TOP1: variants seen among roughly 807,000 people sequenced by gnomAD.
TOP1 encodes DNA topoisomerase I.
TOP1 carries 10 observed loss-of-function variants against 111.1 expected under a neutral mutation model. The ratio of observed to expected loss-of-function variants is 0.09; its 90% CI spans 0.06 to 0.15. The LOEUF (loss-of-function observed/expected upper bound fraction) is 0.15. TOP1 is among the 10% of genes least tolerant of loss of function. The probability of loss-of-function intolerance (pLI) is 1.00; values close to 1 mark genes in which losing one functional copy is unlikely to be tolerated. For synonymous variants in TOP1, 271 were observed against 302.9 expected (o/e 0.89, Z 1.10); for missense variants, 474 against 926.7 (o/e 0.51, Z 6.34).
chr20:41,090,739 C>G (rs2033910474), intron 8 of TOP1, among the ~76,000 whole-genome samples: 2 of 152,162 alleles, frequency 1.3e-5, no homozygotes, highest in Admixed American at 1.3e-4. Context: ...CTCTTGTCCT[C>G]AAGTGATCCG....
At chr20:41,113,350 G>A (rs936860190) in intron 14 of TOP1, among the ~76,000 whole-genome samples, 1 of 152,122 alleles carries the variant, frequency 6.6e-6, no homozygotes, top group Non-Finnish European at 1.5e-5. Flanking sequence ...GCCCAGAGTA[G>A]CAGCACTCCC....
chr20:41,091,106 A>G (rs1455997989), intron 8 of TOP1, among the ~76,000 whole-genome samples: 1 of 152,232 alleles, frequency 6.6e-6, no homozygotes, highest in Non-Finnish European at 1.5e-5. Context: ...TAGTAATACC[A>G]TTGTTACAAT....
chr20:41,086,161 G>A (rs572969403), intron 8 of TOP1, among the ~76,000 whole-genome samples: 7 of 152,104 alleles, frequency 4.6e-5, no homozygotes, highest in African/African-American at 1.7e-4. Flanking sequence ...TACTTGGGAA[G>A]TTGAGGCAGG....
In TOP1 at chr20:41,115,254, C is replaced by T. The variant is rs752819978; in HGVS notation, c.1639-117C>T. The T allele has an allele frequency of 5.1e-5, 33 of 645,194 alleles. No homozygotes were observed. The highest frequency in any genetic ancestry group is 7.4e-5 in the Non-Finnish European group (27 of 365,814). The allele number at this position is 645,194 out of a possible 1,614,324, so 40.0% of individuals were successfully genotyped here. ...AAATGTTAACAGTGAATCTCGGTGA[C>T]GGATGTATGCGTGTTCCTTGTGCCT... On this transcript the variant is annotated intron_variant, in intron 15 of 20. Transcript: ENST00000361337. This position sits in a 1 kb window ranked among gnomAD's most constrained non-coding sequence, Gnocchi z 6.3.
In TOP1 at chr20:41,092,485, C is replaced by T. The variant is rs1270296041; in HGVS notation, c.628C>T (p.Arg210Cys). Residue 210 changes from arginine to cysteine, a missense_variant, in exon 9 of 21, where the codon CGC becomes TGC. This residue lies in a region of TOP1 where 11 missense variants were observed against 36.8 expected (regional missense o/e 0.30). Transcript: ENST00000361337. This position sits in a 1 kb window ranked among gnomAD's most constrained non-coding sequence, Gnocchi z 4.3. The part of the protein sequence containing the change: ...EQKWKWWEEE[R>C]YPEGIKWKFL... ...TGTCTTTTAAAGGTGGGAAGAAGAG[C>T]GCTATCCTGAAGGCATCAAGTGGAA... The T allele has an allele frequency of 1.9e-6, 3 of 1,578,694 alleles. No individual in the cohort carries two copies. Among genetic ancestry groups the T allele is most frequent in the Non-Finnish European group, 2.6e-6 (3 of 1,162,206 alleles).
At chr20:41,052,855 T>A (rs916516697) in intron 2 of TOP1, among the ~76,000 whole-genome samples, 2 of 152,086 alleles carry the variant, frequency 1.3e-5, no homozygotes, top group South Asian at 4.1e-4. Context: ...CTGGCCATGA[T>A]GGTATGCACC....
Position 41,034,543 on chromosome 20 carries a change from A to G in TOP1, c.58+5088A>G, listed in dbSNP as rs1488420710. Among the ~76,000 whole-genome samples the G allele has an allele frequency of 6.6e-6, 1 of 152,156 alleles. No individual in the cohort carries two copies. The highest frequency in any genetic ancestry group is 1.5e-5 in the Non-Finnish European group (1 of 68,028). The stretch of plus-strand genomic sequence containing the variant: ...AAAGTTTGATTGGGGGTTGCGGGGA[A>G]GCTTGTAGAGGAATGTCTGTTAGAT... On this transcript the variant is annotated intron_variant, in intron 2 of 20. Coordinates refer to ENST00000361337, the MANE Select transcript of TOP1 (RefSeq NM_003286.4). The surrounding 1 kb of genome is among the most constrained non-coding windows in gnomAD (Gnocchi z 4.0).
rs554454847 is a variant in TOP1 at position 41,120,750 on chromosome 20, C to CA, written c.1951-946_1951-945insA. Among the ~76,000 whole-genome samples, 385 of 151,552 alleles carry CA rather than the reference C, an allele frequency of 2.5e-3. 1 individual carries two copies. The highest frequency in any genetic ancestry group is 3.5e-3 in the Non-Finnish European group (238 of 67,748). ...GTCCTTCCCACCTCAGACTTCTCTC[C>CA]TTTTTTTTTGAGACGGAGTCTCGCT... is the stretch of plus-strand genomic sequence containing the variant. On this transcript the variant is annotated intron_variant, in intron 18 of 20. Coordinates refer to ENST00000361337, the MANE Select transcript of TOP1 (RefSeq NM_003286.4).
Position 41,116,857 on chromosome 20 carries a change from C to T in TOP1, c.1822+465C>T, listed in dbSNP as rs7344358. Among the ~76,000 whole-genome samples the T allele has an allele frequency of 2.2e-3, 336 of 152,150 alleles. 1 individual carries two copies. Among genetic ancestry groups the T allele is most frequent in the African/African-American group, 6.6e-3 (273 of 41,496 alleles). ...TTTAGAATATTATCACCAAGATCCA[C>T]GGGCTTTTTTTTTCCTGGAGCCCAG... On this transcript the variant is annotated intron_variant, in intron 17 of 20. Coordinates refer to ENST00000361337, the MANE Select transcript of TOP1 (RefSeq NM_003286.4). The surrounding 1 kb of genome is among the most constrained non-coding windows in gnomAD (Gnocchi z 5.6).
chr20:41,091,800 G>A (rs928104019), intron 8 of TOP1, among the ~76,000 whole-genome samples: 1 of 152,008 alleles, frequency 6.6e-6, no homozygotes, highest in Non-Finnish European at 1.5e-5. Context: ...TCCTGACCTC[G>A]TGATCTGCCC....
rs2033447294 is a variant in TOP1, at chr20:41,054,607, CATGGTGCTGG to C, written c.59-6786_59-6777del. Among the ~76,000 whole-genome samples, 3 of 152,214 alleles carry C rather than the reference CATGGTGCTGG, an allele frequency of 2.0e-5. No individual in the cohort carries two copies. In the South Asian group the frequency reaches 6.2e-4, roughly 31 times the overall value. ...GAGATAGTGTTTGAAAGCACGCTAGCATGGTGCTGGCACCCGTATTAGTGCCCTTTTCTCT... is the reference window on the plus strand; with the variant it reads ...GAGATAGTGTTTGAAAGCACGCTAGCCACCCGTATTAGTGCCCTTTTCTCT... On this transcript the variant is annotated intron_variant, in intron 2 of 20. Transcript: ENST00000361337.
At position 41,071,373 on chromosome 20, in the gene TOP1, C is replaced by A. The variant is rs1331063085; in HGVS notation, c.156-4798C>A. On this transcript the variant is annotated intron_variant, in intron 3 of 20. Transcript: ENST00000361337. This position sits in a 1 kb window ranked among gnomAD's most constrained non-coding sequence, Gnocchi z 4.3. The stretch of plus-strand genomic sequence containing the variant: ...AAATTTTTTTTTTTTTGAGATGGAG[C>A]CTCAGTCTATCGCCAGGCTGGAGTG... Among the ~76,000 whole-genome samples the A allele has an allele frequency of 6.6e-6, 1 of 150,966 alleles. No individual in the cohort carries two copies. The highest frequency in any genetic ancestry group is 1.5e-5 in the Non-Finnish European group (1 of 67,876).
At chr20:41,064,829 T>G (rs2033588015) in intron 3 of TOP1, among the ~76,000 whole-genome samples, 1 of 152,158 alleles carries the variant, frequency 6.6e-6, no homozygotes, top group Non-Finnish European at 1.5e-5. Context: ...CCTCCTGGAC[T>G]CTAAAGTCCC....
chr20:41,084,845 G>A (rs1479634932), intron 8 of TOP1, among the ~76,000 whole-genome samples: 1 of 152,192 alleles, frequency 6.6e-6, no homozygotes, highest in African/African-American at 2.4e-5. Flanking sequence ...TACGAAGAGA[G>A]TACAGATGCA....
chr20:41,039,893 C>T (rs1045645636), intron 2 of TOP1, among the ~76,000 whole-genome samples: 8 of 151,580 alleles, frequency 5.3e-5, no homozygotes, highest in Admixed American at 2.0e-4. Flanking sequence ...GGCGTCAGAG[C>T]GAGACTCCAT....
intron 2 of TOP1, among the ~76,000 whole-genome samples, chr20:41,039,810 G>A (rs1355615823): frequency 2.0e-5 from 3 of 152,162 alleles, no homozygotes; most frequent in Non-Finnish European, 4.4e-5. Context: ...GGGAGGCTGA[G>A]GCAGGAGAAT....
rs2034214707 is a variant in TOP1, at chr20:41,110,281, C to G, written c.1309-2501C>G. ...GCCTGGTGACAGAGCGAGACGCTGT[C>G]TCAGAGGGAAAAAAAAAAGTTAAAA... On this transcript the variant is annotated intron_variant, in intron 13 of 20. Coordinates refer to ENST00000361337, the MANE Select transcript of TOP1 (RefSeq NM_003286.4). This position sits in a 1 kb window ranked among gnomAD's most constrained non-coding sequence, Gnocchi z 4.2. Among the ~76,000 whole-genome samples, 1 of 151,404 alleles carries G rather than the reference C, an allele frequency of 6.6e-6. No homozygotes were observed. The highest frequency in any genetic ancestry group is 2.4e-5 in the African/African-American group (1 of 41,144).
intron 2 of TOP1, among the ~76,000 whole-genome samples, chr20:41,060,461 T>C (rs1010536834): frequency 2.6e-5 from 4 of 152,156 alleles, no homozygotes; most frequent in Non-Finnish European, 5.9e-5. Flanking sequence ...ACAAATCTAA[T>C]ATACAGCACG....
In TOP1 at chr20:41,124,127, A is replaced by G. The variant is rs531220804; in HGVS notation, c.*830A>G. 1 of 232,982 alleles carries G rather than the reference A, an allele frequency of 4.3e-6. No individual in the cohort carries two copies. The highest frequency in any genetic ancestry group is 8.5e-6 in the Non-Finnish European group (1 of 117,736). 14.4% of individuals were successfully genotyped at this position (232,982 alleles called of 1,614,324 possible). ...ATTCGCTGTACCCTTTAAGATATCC[A>G]TCTTTTTCTTTTTAACCCTAATCTT... On this transcript the variant is annotated 3_prime_UTR_variant, in exon 21 of 21. Coordinates refer to ENST00000361337, the MANE Select transcript of TOP1 (RefSeq NM_003286.4). The surrounding 1 kb of genome is among the most constrained non-coding windows in gnomAD (Gnocchi z 5.4).
Sources: gnomAD v4.1 joint callset for allele counts (sites outside exome capture counted in the v4.1 genomes callset) on GRCh38, gnomAD v4.1.1 for gene constraint, gnomAD v4.1.1 regional missense constraint, Gnocchi (gnomAD v3.1) non-coding constraint, MANE v1.5 for transcripts, NCBI Gene and HGNC (gene_info 2026-07-23, HGNC 2026-07-21) for gene names.